Variants in APOOL observed in about 807,000 individuals in gnomAD.
APOOL encodes apolipoprotein O like.
APOOL carries 12 observed loss-of-function variants against 23.1 expected under a neutral mutation model. That is an observed-to-expected ratio of 0.52 (90% CI 0.33 to 0.84). APOOL has a LOEUF of 0.84. Among genes scored for constraint, APOOL ranks in the 40% least tolerant of loss-of-function variants. APOOL has a pLI of 0.02. For synonymous variants in APOOL, 77 were observed against 69.9 expected (o/e 1.10, Z -0.51); for missense variants, 212 against 199.6 (o/e 1.06, Z -0.37).
intron 7 of APOOL, 74 bp from the exon 8 acceptor site, chrX:85,074,200 G>A: frequency 8.5e-7 from 1 of 1,173,108 alleles, no homozygotes; most frequent in Non-Finnish European, 1.2e-6. Context: ...AGAGGTCGAG[G>A]ATAAAATGAG....
chrX:85,026,323 C>T (rs1175077233), intron 1 of APOOL, among the ~76,000 whole-genome samples: 1 of 112,973 alleles, frequency 8.9e-6, no homozygotes, highest in East Asian at 2.8e-4. Context: ...ACCCTTTATT[C>T]TCCTGGGCCC....
rs972491232 is a variant in APOOL at position 85,091,437 on chromosome X, T to C, written c.*3759T>C. ...TTTACAGATATGGTACTTTACACAA[T>C]TTATGTAATTAATATTTTCTCACAG... On this transcript the variant is annotated 3_prime_UTR_variant, in exon 9 of 9. Coordinates refer to ENST00000373173, the MANE Select transcript of APOOL (RefSeq NM_198450.6). 2.7e-5 allele frequency: 3 copies of C among 111,763 alleles called. No individual in the cohort carries two copies. Among genetic ancestry groups the C allele is most frequent in the African/African-American group, 9.8e-5 (3 of 30,695 alleles). The allele number at this position is 111,763 out of a possible 1,213,427, so 9.2% of individuals were successfully genotyped here.
chrX:85,022,072 T>A (rs1480175603), intron 1 of APOOL, among the ~76,000 whole-genome samples: 1 of 111,998 alleles, frequency 8.9e-6, no homozygotes, highest in African/African-American at 3.2e-5. Flanking sequence ...AGAGCGCTAA[T>A]GAATAAGGAG....
At chrX:85,062,808 T>G (rs1057281545) in intron 5 of APOOL, among the ~76,000 whole-genome samples, 3 of 111,788 alleles carry the variant, frequency 2.7e-5, no homozygotes, top group Non-Finnish European at 5.6e-5. Flanking sequence ...TGGCTCCAAC[T>G]TTGTTCTTTT....
At chrX:85,007,135 G>A (rs1373138177) in intron 1 of APOOL, among the ~76,000 whole-genome samples, 1 of 111,457 alleles carries the variant, frequency 9.0e-6, no homozygotes, top group African/African-American at 3.3e-5. Flanking sequence ...TTTAAGAATG[G>A]GATAGGCTTG....
chrX:85,060,062 T>C lies in APOOL; in HGVS notation c.394+4137T>C, dbSNP rs868289925. 6.0e-3 allele frequency among the ~76,000 whole-genome samples: 662 copies of C among 111,161 alleles called. 4 individuals carry two copies. The highest frequency in any genetic ancestry group is 0.021 in the African/African-American group (628 of 30,454). On this transcript the variant is annotated intron_variant, in intron 5 of 8. Transcript: ENST00000373173. ...CTTGAATTAATTTTTGTATAAGGTG[T>C]AAGAAAGGGATCCAGTTTCAGCTTT...
chrX:85,067,627 AACACACACACAC>A (rs758966009), intron 6 of APOOL, among the ~76,000 whole-genome samples: 44 of 90,395 alleles, frequency 4.9e-4, no homozygotes, highest in Middle Eastern at 5.8e-3. Flanking sequence ...CTGAAGGTAA[AACACACACACAC>A]ACACACACAC....
chrX:85,069,998 TTTAA>T (rs1312434283), intron 6 of APOOL, among the ~76,000 whole-genome samples: 1 of 111,694 alleles, frequency 9.0e-6, no homozygotes, highest in African/African-American at 3.2e-5. Context: ...ATTTAGACTG[TTTAA>T]TTATAAGTAA....
At chrX:85,048,702 C>A (rs937999629) in intron 2 of APOOL, among the ~76,000 whole-genome samples, 2 of 111,846 alleles carry the variant, frequency 1.8e-5, no homozygotes, top group African/African-American at 6.5e-5. Context: ...TCTACTAAAC[C>A]AGAATACTTT....
intron 5 of APOOL, among the ~76,000 whole-genome samples, chrX:85,060,382 A>T (rs1174115785): frequency 1.0e-4 from 11 of 107,143 alleles, no homozygotes; most frequent in East Asian, 8.7e-4. Context: ...GTTCCATATG[A>T]ACTTTAAAGT....
intron 3 of APOOL, 23 bp downstream of exon 3, chrX:85,051,531 T>A (rs770277452): frequency 8.3e-7 from 1 of 1,209,105 alleles, no homozygotes; most frequent in South Asian, 1.8e-5. Flanking sequence ...TGATAGTGGT[T>A]TAATATCAGA....
intron 5 of APOOL, among the ~76,000 whole-genome samples, chrX:85,066,557 G>A (rs945061637): frequency 1.8e-5 from 2 of 111,048 alleles, no homozygotes; most frequent in African/African-American, 6.5e-5. Flanking sequence ...CATAGTTAAG[G>A]CACTTATTGA....
rs1159280068 is a variant in APOOL, at chrX:85,003,890, C to T, written c.-23C>T. Reference sequence around the variant, plus strand: ...TCCCTCTCTGCTCTCCGTCTGAAAACCTTGGCCGAAAGGGTTGTAGACATG... The same window carrying T: ...TCCCTCTCTGCTCTCCGTCTGAAAATCTTGGCCGAAAGGGTTGTAGACATG... On this transcript the variant is annotated 5_prime_UTR_variant, in exon 1 of 9. Transcript: ENST00000373173. 8.3e-7 allele frequency: 1 copy of T among 1,211,220 alleles called. No homozygotes were observed. Among genetic ancestry groups the T allele is most frequent in the East Asian group, 3.0e-5 (1 of 33,805 alleles).
At chrX:85,031,087 G>A (rs942203501) in intron 1 of APOOL, among the ~76,000 whole-genome samples, 2 of 111,889 alleles carry the variant, frequency 1.8e-5, no homozygotes, top group African/African-American at 6.5e-5. Context: ...ATGCCTCAGA[G>A]TGTGTTGGCC....
intron 1 of APOOL, among the ~76,000 whole-genome samples, chrX:85,012,274 A>G (rs1226788147): frequency 1.8e-5 from 2 of 111,358 alleles, no homozygotes; most frequent in Admixed American, 9.6e-5. Flanking sequence ...TAGGTATACT[A>G]TCATATCATT....
At chrX:85,038,118 G>T (rs148785886) in intron 1 of APOOL, among the ~76,000 whole-genome samples, 319 of 111,087 alleles carry the variant, frequency 2.9e-3, no homozygotes, top group African/African-American at 9.9e-3. Context: ...CCTTTTTTGC[G>T]TCTATTAAGA....
rs141234476 is a variant in APOOL, at chrX:85,079,626, C to T, written c.718+5235C>T. 6.2e-3 allele frequency among the ~76,000 whole-genome samples: 691 copies of T among 111,433 alleles called. 5 individuals carry two copies. Among genetic ancestry groups the T allele is most frequent in the African/African-American group, 0.022 (665 of 30,644 alleles). On this transcript the variant is annotated intron_variant, in intron 8 of 8. Transcript: ENST00000373173. Reference sequence around the variant, plus strand: ...TCAGAAAATGAGTTAGTGAGAATTCCCTCTTTTTCTATTGATTGGAATAGT... The same window carrying T: ...TCAGAAAATGAGTTAGTGAGAATTCTCTCTTTTTCTATTGATTGGAATAGT...
chrX:85,076,261 G>T (rs1041787148), intron 8 of APOOL, among the ~76,000 whole-genome samples: 1 of 110,959 alleles, frequency 9.0e-6, no homozygotes, highest in Non-Finnish European at 1.9e-5. Context: ...ATATCATTTG[G>T]CGTTTATTAT....
intron 1 of APOOL, among the ~76,000 whole-genome samples, chrX:85,042,010 C>A (rs1338098894): frequency 1.8e-5 from 2 of 111,219 alleles, no homozygotes; most frequent in African/African-American, 6.6e-5. Flanking sequence ...ACACTGGCTG[C>A]TTCTAATCAG....
Sources: gnomAD v4.1 joint callset for allele counts (sites outside exome capture counted in the v4.1 genomes callset) on GRCh38, gnomAD v4.1.1 for gene constraint, MANE v1.5 for transcripts, NCBI Gene and HGNC (gene_info 2026-07-23, HGNC 2026-07-21) for gene names.